The following CD2AP variants were observed in gnomAD, a reference collection of about 807,000 sequenced individuals.
CD2AP encodes the protein CD2-associated protein.
Under a neutral mutation model 85.1 loss-of-function variants are expected in CD2AP, and 46 were observed. The observed-to-expected ratio is 0.54, with a 90% confidence interval of 0.43 to 0.69. The LOEUF (loss-of-function observed/expected upper bound fraction) is 0.69, where lower values mean the gene tolerates loss of function less well. CD2AP is among the 30% of genes least tolerant of loss of function. The probability of loss-of-function intolerance (pLI) is 0.00; values close to 1 mark genes in which losing one functional copy is unlikely to be tolerated. For missense variants in CD2AP, 769 were observed against 729.5 expected (o/e 1.05, Z -0.62); for synonymous variants, 255 against 252.9 (o/e 1.01, Z -0.08).
intron 12 of CD2AP, among the ~76,000 whole-genome samples, chr6:47,597,560 G>C (rs1768985335): frequency 6.6e-6 from 1 of 151,028 alleles, no homozygotes; most frequent in Admixed American, 6.6e-5. Flanking sequence ...GTTCATGGCA[G>C]CTGGAGGAAC....
At position 47,626,458 on chromosome 6, in the gene CD2AP, A is replaced by G. The variant is rs532358424; in HGVS notation, c.*2231A>G. ...GGGGTAAATCATGAATTTTTTTTCT[A>G]CGTGTGAGTATAAAAGACAAAAGTT... is the stretch of plus-strand genomic sequence containing the variant. On this transcript the variant is annotated 3_prime_UTR_variant, in exon 18 of 18. Coordinates refer to ENST00000359314, the MANE Select transcript of CD2AP (RefSeq NM_012120.3). 5.9e-5 allele frequency: 9 copies of G among 151,370 alleles called. No individual in the cohort carries two copies. Among genetic ancestry groups the G allele is most frequent in the African/African-American group, 2.2e-4 (9 of 41,238 alleles). The allele number at this position is 151,370 out of a possible 1,614,324, so 9.4% of individuals were successfully genotyped here.
intron 5 of CD2AP, among the ~76,000 whole-genome samples, chr6:47,572,405 C>G (rs1175334225): frequency 1.3e-5 from 2 of 152,186 alleles, no homozygotes; most frequent in Non-Finnish European, 2.9e-5. Flanking sequence ...TAAACATTCT[C>G]TCAATGAAGT....
intron 2 of CD2AP, among the ~76,000 whole-genome samples, chr6:47,533,311 G>A (rs1766938741): frequency 1.3e-5 from 2 of 151,854 alleles, no homozygotes; most frequent in Non-Finnish European, 1.5e-5. Flanking sequence ...ATTATTGTTT[G>A]TCTTTGTATC....
At chr6:47,543,763 TGGGTGTTA>T (rs1187785223) in intron 3 of CD2AP, among the ~76,000 whole-genome samples, 1 of 152,182 alleles carries the variant, frequency 6.6e-6, no homozygotes, top group Non-Finnish European at 1.5e-5. Context: ...CCAGACACAT[TGGGTGTTA>T]GGGTTTCAAT....
intron 4 of CD2AP, among the ~76,000 whole-genome samples, chr6:47,551,737 G>T (rs1767531192): frequency 6.6e-6 from 1 of 152,132 alleles, no homozygotes; most frequent in Non-Finnish European, 1.5e-5. Flanking sequence ...TAGCTGGAAA[G>T]ATTCAATGGT....
chr6:47,543,065 C>T (rs1162467374), intron 3 of CD2AP, among the ~76,000 whole-genome samples: 2 of 139,902 alleles, frequency 1.4e-5, no homozygotes, highest in South Asian at 2.4e-4. Context: ...GCAGGAGAAT[C>T]GCTTGAACTC....
At chr6:47,521,731 A>G (rs1056059823) in intron 2 of CD2AP, among the ~76,000 whole-genome samples, 1 of 151,872 alleles carries the variant, frequency 6.6e-6, no homozygotes, top group Non-Finnish European at 1.5e-5. Flanking sequence ...AAGATAACAC[A>G]TGAGATTTAA....
chr6:47,489,254 A>C (rs1181863217), intron 1 of CD2AP: 1 of 139,710 alleles, frequency 7.2e-6, no homozygotes, highest in South Asian at 2.3e-4. Context: ...TGCAACCTCC[A>C]CCTCCTGGGT....
intron 11 of CD2AP, among the ~76,000 whole-genome samples, chr6:47,587,891 A>G (rs982724430): frequency 6.6e-5 from 10 of 152,146 alleles, no homozygotes; most frequent in African/African-American, 2.4e-4. Context: ...TCACTGGTAG[A>G]AGCAGTGAAT....
At chr6:47,559,237 C>G (rs1158304184) in intron 5 of CD2AP, among the ~76,000 whole-genome samples, 1 of 150,642 alleles carries the variant, frequency 6.6e-6, no homozygotes, top group Non-Finnish European at 1.5e-5. Context: ...GTCTGGCTAA[C>G]GGTCTCTCTG....
At chr6:47,587,443 T>A (rs1188850104) in intron 11 of CD2AP, among the ~76,000 whole-genome samples, 1 of 152,180 alleles carries the variant, frequency 6.6e-6, no homozygotes, top group African/African-American at 2.4e-5. Flanking sequence ...CACTTTCTAC[T>A]TTCTGTCCCA....
chr6:47,567,211 A>G (rs977455585), intron 5 of CD2AP, among the ~76,000 whole-genome samples: 1 of 151,994 alleles, frequency 6.6e-6, no homozygotes, highest in African/African-American at 2.4e-5. Context: ...ATGCTTATAG[A>G]ACTATCTTTT....
chr6:47,580,890 T>A lies in CD2AP; in HGVS notation c.1035T>A (p.Ala345=), dbSNP rs34023453. 1,368 of 1,607,270 alleles carry A rather than the reference T, an allele frequency of 8.5e-4. 14 individuals are homozygous for A. The African/African-American group carries it at 0.016, about 19-fold the overall frequency. ...AACCAAAGAAACCACCACCTCCTGCTAAGGCTCCAGGTATGTAAGAAGCAT... is the reference window on the plus strand; with the variant it reads ...AACCAAAGAAACCACCACCTCCTGCAAAGGCTCCAGGTATGTAAGAAGCAT... The part of the protein sequence containing the change: ...FPKPKKPPPP[A]KAPAPKPELI... Residue 345 remains alanine (A), a synonymous_variant, in exon 10 of 18, where the codon GCT becomes GCA. Transcript: ENST00000359314.
At position 47,616,776 on chromosome 6, in the gene CD2AP, C is replaced by T. The variant is rs1189751578; in HGVS notation, c.1878+4240C>T. On this transcript the variant is annotated intron_variant, in intron 17 of 17. Coordinates refer to ENST00000359314, the MANE Select transcript of CD2AP (RefSeq NM_012120.3). ...ACTTTTGTGGTCTCTGATTTTTCAC[C>T]TTCAATTCAGTCTGTAACCCCTTGC... Among the ~76,000 whole-genome samples, 21 of 152,060 alleles carry T rather than the reference C, an allele frequency of 1.4e-4. 1 individual carries two copies. The highest frequency in any genetic ancestry group is 1.4e-3 in the Admixed American group (21 of 15,264).
chr6:47,506,895 C>T (rs1238383059), intron 2 of CD2AP, among the ~76,000 whole-genome samples: 1 of 152,140 alleles, frequency 6.6e-6, no homozygotes, highest in Non-Finnish European at 1.5e-5. Context: ...ATGAAGTTTG[C>T]TGCATCAATT....
chr6:47,581,907 T>A, intron 10 of CD2AP, 96 bp from the exon 11 acceptor site: 1 of 807,458 alleles, frequency 1.2e-6, no homozygotes, highest in South Asian at 1.4e-5. Flanking sequence ...TTTCATCTGA[T>A]GTTATTTTTC....
intron 11 of CD2AP, among the ~76,000 whole-genome samples, chr6:47,588,591 T>C (rs1031750461): frequency 2.0e-5 from 3 of 152,054 alleles, no homozygotes; most frequent in Admixed American, 6.6e-5. Flanking sequence ...GAACAGAAAA[T>C]CCTTATTGAA....
At chr6:47,541,616 T>G (rs1163554640) in intron 3 of CD2AP, among the ~76,000 whole-genome samples, 1 of 152,230 alleles carries the variant, frequency 6.6e-6, no homozygotes, top group African/African-American at 2.4e-5. Context: ...TGTAGTGTGC[T>G]TCTTTTGTTG....
chr6:47,571,300 T>C (rs1009516484), intron 5 of CD2AP, among the ~76,000 whole-genome samples: 6 of 152,110 alleles, frequency 3.9e-5, no homozygotes, highest in African/African-American at 1.4e-4. Flanking sequence ...TTTTCCACCA[T>C]ACAAACTTGA....
Sources: allele counts gnomAD v4.1 joint callset (sites outside exome capture counted in the v4.1 genomes callset), GRCh38; gene constraint gnomAD v4.1.1; transcripts MANE v1.5; gene names NCBI Gene and HGNC (gene_info 2026-07-23, HGNC 2026-07-21).